RPS6KC1: variants seen among roughly 807,000 people sequenced by gnomAD.
The protein encoded by RPS6KC1 is inactive ribosomal protein S6 kinase delta-1.
Under a neutral mutation model 103.8 loss-of-function variants are expected in RPS6KC1, and 54 were observed. That is an observed-to-expected ratio of 0.52 (90% CI 0.42 to 0.65). The LOEUF (loss-of-function observed/expected upper bound fraction) is 0.65, where lower values mean the gene tolerates loss of function less well. Ranked by LOEUF, RPS6KC1 falls within the 30% of genes least tolerant of loss-of-function variation. The probability of loss-of-function intolerance (pLI) is 0.00; values close to 1 mark genes in which losing one functional copy is unlikely to be tolerated. For missense variants in RPS6KC1, 1,151 were observed against 1,253.8 expected (o/e 0.92, Z 1.24); for synonymous variants, 439 against 438.7 (o/e 1.00, Z -0.01).
chr1:213,553,192 T>C, the RPS6KC1 span, among the ~76,000 whole-genome samples: 1 of 152,112 alleles, frequency 6.6e-6, no homozygotes, highest in Non-Finnish European at 1.5e-5. Flanking sequence ...CCCTAATGTC[T>C]ATTGCTCCCT....
chr1:213,639,582 G>C, the RPS6KC1 span, among the ~76,000 whole-genome samples: 5 of 151,978 alleles, frequency 3.3e-5, no homozygotes, highest in African/African-American at 1.2e-4. Context: ...CCCTTCTCTT[G>C]TTACTTTACT....
chr1:213,269,759 A>G (rs2094998411), intron 14 of RPS6KC1, among the ~76,000 whole-genome samples: 1 of 152,112 alleles, frequency 6.6e-6, no homozygotes, highest in Non-Finnish European at 1.5e-5. Context: ...GTAAGAAACT[A>G]TGAAACAAAG....
chr1:213,807,278 G>T, the RPS6KC1 span, among the ~76,000 whole-genome samples: 1 of 152,124 alleles, frequency 6.6e-6, no homozygotes, highest in Non-Finnish European at 1.5e-5. Context: ...TCTTCTCGAG[G>T]AGTATGTTTG....
chr1:213,336,490 G>C, the RPS6KC1 span, among the ~76,000 whole-genome samples: 2 of 152,158 alleles, frequency 1.3e-5, no homozygotes, highest in Non-Finnish European at 2.9e-5. Flanking sequence ...CTTGATGATG[G>C]GGTATGTTTA....
chr1:213,456,205 G>T, the RPS6KC1 span, among the ~76,000 whole-genome samples: 1 of 152,100 alleles, frequency 6.6e-6, no homozygotes, highest in Non-Finnish European at 1.5e-5. Context: ...CTTCTTGTTG[G>T]GCTGCTGCCT....
At chr1:213,361,827 C>T in the RPS6KC1 span, among the ~76,000 whole-genome samples, 1 of 152,148 alleles carries the variant, frequency 6.6e-6, no homozygotes, top group African/African-American at 2.4e-5. Flanking sequence ...CTGGCTATGG[C>T]GTCTTTGCGG....
chr1:213,601,732 C>G, the RPS6KC1 span, among the ~76,000 whole-genome samples: 1 of 151,848 alleles, frequency 6.6e-6, no homozygotes. Flanking sequence ...TGGATTCTGT[C>G]CTCTCTCTAT....
At chr1:213,810,945 T>C in the RPS6KC1 span, among the ~76,000 whole-genome samples, 2 of 152,320 alleles carry the variant, frequency 1.3e-5, no homozygotes, top group African/African-American at 2.4e-5. Context: ...TGGCATCTCA[T>C]AGGAAATGGG....
the RPS6KC1 span, among the ~76,000 whole-genome samples, chr1:213,364,961 A>G: frequency 1.3e-5 from 2 of 152,138 alleles, no homozygotes; most frequent in Non-Finnish European, 2.9e-5. Flanking sequence ...CCATCTCAAA[A>G]AAATAAACAA....
At chr1:213,104,654 G>T in intron 4 of RPS6KC1, 85 bp downstream of exon 4, 2 of 639,242 alleles carry the variant, frequency 3.1e-6, no homozygotes, top group Non-Finnish European at 2.6e-6. Context: ...TGCCACTTTT[G>T]AATTTCGTTA....
At chr1:213,798,371 A>G in the RPS6KC1 span, among the ~76,000 whole-genome samples, 2 of 152,186 alleles carry the variant, frequency 1.3e-5, no homozygotes, top group Non-Finnish European at 2.9e-5. Context: ...AAGCAGGCCA[A>G]GTGGCTTCCC....
chr1:213,427,574 C>A, the RPS6KC1 span, among the ~76,000 whole-genome samples: 1 of 152,130 alleles, frequency 6.6e-6, no homozygotes, highest in African/African-American at 2.4e-5. Context: ...GCTCTGGCTC[C>A]TATAAATATT....
chr1:213,623,492 C>T, the RPS6KC1 span, among the ~76,000 whole-genome samples: 3 of 152,008 alleles, frequency 2.0e-5, no homozygotes, highest in South Asian at 2.1e-4. Flanking sequence ...CACCCATAAG[C>T]GCTTACAGTC....
chr1:213,638,474 A>G, the RPS6KC1 span, among the ~76,000 whole-genome samples: 1 of 152,088 alleles, frequency 6.6e-6, no homozygotes, highest in Admixed American at 6.6e-5. Flanking sequence ...CTTCTTCTAA[A>G]AGTTATACAT....
At chr1:213,268,561 T>G (rs2094964780) in intron 14 of RPS6KC1, among the ~76,000 whole-genome samples, 1 of 147,872 alleles carries the variant, frequency 6.8e-6, no homozygotes, top group Non-Finnish European at 1.5e-5. Context: ...TATAATTTAT[T>G]TATATATTTA....
chr1:213,195,488 G>A (rs1427444235), intron 8 of RPS6KC1, among the ~76,000 whole-genome samples: 1 of 152,128 alleles, frequency 6.6e-6, no homozygotes, highest in Non-Finnish European at 1.5e-5. Flanking sequence ...ATAGTTTTTG[G>A]AGAACAGGTC....
chr1:213,159,202 G>A (rs531543967), intron 6 of RPS6KC1, among the ~76,000 whole-genome samples: 4 of 152,168 alleles, frequency 2.6e-5, no homozygotes, highest in African/African-American at 9.6e-5. Flanking sequence ...ATTTTCCCCA[G>A]GGTTACCACT....
chr1:213,102,024 AGATTTGGTAT>A (rs904115241), intron 3 of RPS6KC1, among the ~76,000 whole-genome samples: 5 of 152,144 alleles, frequency 3.3e-5, no homozygotes, highest in African/African-American at 1.2e-4. Flanking sequence ...GTGTCATTTT[AGATTTGGTAT>A]TGTTATTGGG....
chr1:213,114,013 T>G (rs2083308390), intron 4 of RPS6KC1, among the ~76,000 whole-genome samples: 1 of 152,122 alleles, frequency 6.6e-6, no homozygotes, highest in African/African-American at 2.4e-5. Flanking sequence ...AGCTTTGTTC[T>G]TTTGGCTTAG....
Sources: allele counts gnomAD v4.1 joint callset (sites outside exome capture counted in the v4.1 genomes callset), GRCh38; gene constraint gnomAD v4.1.1; transcripts MANE v1.5; gene names NCBI Gene and HGNC (gene_info 2026-07-23, HGNC 2026-07-21).